The following FAT3 variants were observed in gnomAD, a reference collection of about 807,000 sequenced individuals.
FAT3 encodes FAT atypical cadherin 3, also known as protocadherin Fat 3.
Under a neutral mutation model 310.2 loss-of-function variants are expected in FAT3, and 95 were observed. The ratio of observed to expected loss-of-function variants is 0.31; its 90% confidence interval spans 0.26 to 0.36. The LOEUF (loss-of-function observed/expected upper bound fraction) is 0.36, where lower values mean the gene tolerates loss of function less well. FAT3 is among the 10% of genes least tolerant of loss of function. The pLI is 1.00. For synonymous variants in FAT3, 2,314 were observed against 2,192.9 expected (o/e 1.06, Z -1.54); for missense variants, 5,408 against 5,715.6 (o/e 0.95, Z 1.74).
intron 1 of FAT3, among the ~76,000 whole-genome samples, chr11:92,339,287 T>C (rs1948176645): frequency 6.6e-6 from 1 of 152,170 alleles, no homozygotes; most frequent in South Asian, 2.1e-4. Flanking sequence ...TCTGTAGAGA[T>C]TGCCAAATGT....
chr11:92,369,761 C>T (rs749949675), intron 2 of FAT3, among the ~76,000 whole-genome samples: 1 of 152,026 alleles, frequency 6.6e-6, no homozygotes, highest in Admixed American at 6.6e-5. Flanking sequence ...GCAGGAGAAT[C>T]GCTTGAACCT....
At chr11:92,757,725 G>A (rs978719389) in intron 4 of FAT3, among the ~76,000 whole-genome samples, 3 of 152,178 alleles carry the variant, frequency 2.0e-5, no homozygotes, top group African/African-American at 7.2e-5. Context: ...GTGTAGTTCA[G>A]TTCAGCAAAC....
In FAT3 at chr11:92,880,549, A is replaced by G. The variant is rs150922560; in HGVS notation, c.12128-182A>G. 2.6e-3 allele frequency among the ~76,000 whole-genome samples: 388 copies of G among 152,076 alleles called. 3 individuals carry two copies. Among genetic ancestry groups the G allele is most frequent in the Non-Finnish European group, 1.4e-3 (92 of 67,992 alleles). ...TTTTGTGGGCTAGCAGGAAATCCCA[A>G]CTGTAACTTGGCATTTTTGTGGCAA... On this transcript the variant is annotated intron_variant, in intron 22 of 27. Coordinates refer to ENST00000525166, the MANE Select transcript of FAT3 (RefSeq NM_001367949.2).
intron 1 of FAT3, among the ~76,000 whole-genome samples, chr11:92,279,970 C>G (rs900951148): frequency 6.6e-6 from 1 of 152,084 alleles, no homozygotes; most frequent in African/African-American, 2.4e-5. Flanking sequence ...TCACCTTGCT[C>G]TATTGAATCA....
chr11:92,683,296 T>TA (rs1487194464), intron 3 of FAT3, among the ~76,000 whole-genome samples: 1 of 152,146 alleles, frequency 6.6e-6, no homozygotes, highest in East Asian at 1.9e-4. Flanking sequence ...TGCATGCCCC[T>TA]AAAGGAAAGG....
intron 2 of FAT3, among the ~76,000 whole-genome samples, chr11:92,522,414 T>G (rs745899154): frequency 7.2e-5 from 11 of 152,182 alleles, no homozygotes; most frequent in Non-Finnish European, 1.3e-4. Flanking sequence ...GACAATTGAC[T>G]CTGTCTGAGA....
At chr11:92,240,704 G>A (rs1338507637) in intron 1 of FAT3, among the ~76,000 whole-genome samples, 1 of 151,860 alleles carries the variant, frequency 6.6e-6, no homozygotes, top group African/African-American at 2.4e-5. Context: ...TCATTTTATT[G>A]ACATATTGTT....
chr11:92,740,583 T>A (rs532904356), intron 4 of FAT3, among the ~76,000 whole-genome samples: 2 of 152,192 alleles, frequency 1.3e-5, no homozygotes, highest in South Asian at 2.1e-4. Flanking sequence ...TTTTAGGCTT[T>A]AAAAAAAATT....
intron 6 of FAT3, among the ~76,000 whole-genome samples, chr11:92,770,323 G>A (rs11020058): frequency 0.029 from 4,346 of 152,200 alleles, 232 homozygotes; most frequent in African/African-American, 0.099. Flanking sequence ...GATTCTAGAA[G>A]AGATTTTCTT....
Position 92,670,737 on chromosome 11 carries a change from AG to A in FAT3, c.3608-26646del, listed in dbSNP as rs1344760827. Among the ~76,000 whole-genome samples, 3 of 152,330 alleles carry A rather than the reference AG, an allele frequency of 2.0e-5. No homozygotes were observed. The East Asian group carries it at 5.8e-4, about 29-fold the overall frequency. ...ATGGCTTGAGTTTCAAAAGAGAAAA[AG>A]CATTTTATAAATGGGTCACACCTGT... On this transcript the variant is annotated intron_variant, in intron 3 of 27. Coordinates refer to ENST00000525166, the MANE Select transcript of FAT3 (RefSeq NM_001367949.2).
chr11:92,701,636 G>T (rs977561663), intron 4 of FAT3, among the ~76,000 whole-genome samples: 2 of 152,152 alleles, frequency 1.3e-5, no homozygotes, highest in East Asian at 3.9e-4. Flanking sequence ...GTTCAAAGTC[G>T]TATACCTTCC....
intron 2 of FAT3, among the ~76,000 whole-genome samples, chr11:92,433,362 G>A (rs1313508366): frequency 6.6e-6 from 1 of 152,182 alleles, no homozygotes; most frequent in Admixed American, 6.5e-5. Context: ...CCCTAATGGT[G>A]TAGGCACCCA....
intron 4 of FAT3, among the ~76,000 whole-genome samples, chr11:92,757,556 T>C (rs1358445022): frequency 1.3e-5 from 2 of 152,170 alleles, no homozygotes; most frequent in Admixed American, 1.3e-4. Context: ...AGGCCTAACG[T>C]ATTATGAAGT....
At chr11:92,631,498 A>T (rs1192344929) in intron 3 of FAT3, among the ~76,000 whole-genome samples, 2 of 152,004 alleles carry the variant, frequency 1.3e-5, no homozygotes, top group Non-Finnish European at 2.9e-5. Context: ...GTGAGTTCTC[A>T]TGACATCTGA....
intron 15 of FAT3, among the ~76,000 whole-genome samples, chr11:92,836,028 G>A (rs1208148625): frequency 6.6e-6 from 1 of 152,098 alleles, no homozygotes; most frequent in Non-Finnish European, 1.5e-5. Flanking sequence ...TTATACATCA[G>A]AAGTGCACCC....
At chr11:92,446,290 T>G (rs1230841342) in intron 2 of FAT3, among the ~76,000 whole-genome samples, 1 of 152,300 alleles carries the variant, frequency 6.6e-6, no homozygotes, top group East Asian at 1.9e-4. Context: ...TGTGTTACTA[T>G]TCCCATTTTA....
At chr11:92,631,484 G>A (rs1465813181) in intron 3 of FAT3, among the ~76,000 whole-genome samples, 2 of 152,022 alleles carry the variant, frequency 1.3e-5, no homozygotes, top group African/African-American at 2.4e-5. Context: ...TCTCATGATA[G>A]TGAGTGAGTT....
chr11:92,534,502 T>C (rs1043425055), intron 3 of FAT3, among the ~76,000 whole-genome samples: 3 of 152,248 alleles, frequency 2.0e-5, no homozygotes, highest in African/African-American at 7.2e-5. Context: ...CTTTGTTTTA[T>C]AGGTGTGTTA....
intron 2 of FAT3, among the ~76,000 whole-genome samples, chr11:92,475,253 T>C (rs1952015650): frequency 6.6e-6 from 1 of 152,152 alleles, no homozygotes; most frequent in Admixed American, 6.5e-5. Context: ...AAAAAATCCT[T>C]ATGCTGTTTT....
Sources: gnomAD v4.1 joint callset for allele counts (sites outside exome capture counted in the v4.1 genomes callset) on GRCh38, gnomAD v4.1.1 for gene constraint, MANE v1.5 for transcripts, NCBI Gene and HGNC (gene_info 2026-07-23, HGNC 2026-07-21) for gene names.